Variants in NPAS3 observed in about 807,000 individuals in gnomAD.
NPAS3 encodes the protein neuronal PAS domain-containing protein 3.
A neutral mutation model predicts 73.1 loss-of-function variants in NPAS3; 14 were observed. The ratio of observed to expected loss-of-function variants is 0.19; its 90% confidence interval spans 0.13 to 0.30. The LOEUF (loss-of-function observed/expected upper bound fraction) is 0.30. NPAS3 is among the 10% of genes least tolerant of loss of function. NPAS3 has a pLI of 1.00. For missense variants in NPAS3, 1,096 were observed against 1,250.0 expected (o/e 0.88, Z 1.86); for synonymous variants, 620 against 541.5 (o/e 1.14, Z -2.01).
intron 4 of NPAS3, among the ~76,000 whole-genome samples, chr14:33,531,549 A>C (rs8019714): frequency 6.6e-6 from 1 of 152,080 alleles, no homozygotes; most frequent in African/African-American, 2.4e-5. Flanking sequence ...GCCTATGTAC[A>C]GCTGTACCAC....
intron 1 of NPAS3, among the ~76,000 whole-genome samples, chr14:33,009,349 G>C (rs1359410788): frequency 6.6e-6 from 1 of 152,120 alleles, no homozygotes; most frequent in Non-Finnish European, 1.5e-5. Flanking sequence ...AACAGTTGAG[G>C]GTCAGCTTCT....
At chr14:33,205,913 A>C (rs2046804568) in intron 2 of NPAS3, among the ~76,000 whole-genome samples, 1 of 152,222 alleles carries the variant, frequency 6.6e-6, no homozygotes, top group Non-Finnish European at 1.5e-5. Flanking sequence ...AGGAAAATTA[A>C]AAGAAAAAAT....
intron 4 of NPAS3, among the ~76,000 whole-genome samples, chr14:33,417,135 TA>T (rs2048179588): frequency 6.6e-6 from 1 of 152,022 alleles, no homozygotes; most frequent in Non-Finnish European, 1.5e-5. Context: ...GTATTTTATT[TA>T]AAAAATTAGA....
At chr14:33,494,904 A>G (rs189386494) in intron 4 of NPAS3, among the ~76,000 whole-genome samples, 22 of 152,252 alleles carry the variant, frequency 1.4e-4, no homozygotes, top group Non-Finnish European at 3.2e-4. Flanking sequence ...TTTGTTGCAC[A>G]GCAATCACTG....
intron 2 of NPAS3, among the ~76,000 whole-genome samples, chr14:33,070,638 A>G (rs1595376359): frequency 6.6e-6 from 1 of 152,220 alleles, no homozygotes; most frequent in Non-Finnish European, 1.5e-5. Context: ...ACCATCACTC[A>G]TGATCATAGC....
At chr14:33,111,634 G>T (rs2138967148) in intron 2 of NPAS3, among the ~76,000 whole-genome samples, 1 of 151,092 alleles carries the variant, frequency 6.6e-6, no homozygotes, top group South Asian at 2.1e-4. Context: ...TTGAAGACCT[G>T]CACAGTTCCT....
chr14:33,571,391 C>A (rs143657512), intron 5 of NPAS3, among the ~76,000 whole-genome samples: 1 of 152,020 alleles, frequency 6.6e-6, no homozygotes, highest in Non-Finnish European at 1.5e-5. Flanking sequence ...GGGAGCCTGG[C>A]GAAGTAGGCT....
At chr14:33,751,441 A>G (rs995833589) in intron 7 of NPAS3, among the ~76,000 whole-genome samples, 1 of 152,154 alleles carries the variant, frequency 6.6e-6, no homozygotes, top group Non-Finnish European at 1.5e-5. Flanking sequence ...ATATGATCCT[A>G]GAACCAGTAA....
At chr14:33,771,176 T>G (rs1367897578) in intron 7 of NPAS3, among the ~76,000 whole-genome samples, 9 of 152,210 alleles carry the variant, frequency 5.9e-5, no homozygotes, top group African/African-American at 2.2e-4. Context: ...TTTCTGAAAT[T>G]TGAACATAAC....
chr14:33,131,674 T>C (rs1186537304), intron 2 of NPAS3, among the ~76,000 whole-genome samples: 3 of 152,180 alleles, frequency 2.0e-5, no homozygotes, highest in Non-Finnish European at 4.4e-5. Context: ...TGCTCGTATG[T>C]GTGCATGTTT....
At chr14:33,761,621 C>T (rs1240106141) in intron 7 of NPAS3, among the ~76,000 whole-genome samples, 1 of 151,982 alleles carries the variant, frequency 6.6e-6, no homozygotes, top group East Asian at 1.9e-4. Context: ...GTAAAGTCAG[C>T]GTTGGTCACA....
chr14:33,693,445 A>G (rs1257682729), intron 6 of NPAS3, among the ~76,000 whole-genome samples: 1 of 152,146 alleles, frequency 6.6e-6, no homozygotes. Flanking sequence ...GATCAGACTC[A>G]CATCTAGAGA....
intron 6 of NPAS3, among the ~76,000 whole-genome samples, chr14:33,679,513 T>C (rs2059873197): frequency 6.6e-6 from 1 of 152,214 alleles, no homozygotes; most frequent in Non-Finnish European, 1.5e-5. Flanking sequence ...AGACTGTTGT[T>C]CATTGCATCA....
intron 5 of NPAS3, among the ~76,000 whole-genome samples, chr14:33,623,132 G>C (rs2058124965): frequency 6.6e-6 from 1 of 152,106 alleles, no homozygotes; most frequent in Non-Finnish European, 1.5e-5. Flanking sequence ...GTAGAGTCAA[G>C]GAAGGCTTCC....
chr14:33,084,994 T>C (rs1260965261), intron 2 of NPAS3, among the ~76,000 whole-genome samples: 3 of 152,220 alleles, frequency 2.0e-5, no homozygotes, highest in Non-Finnish European at 4.4e-5. Flanking sequence ...AACTGAAGTT[T>C]GACCTCATCT....
At chr14:33,205,273 A>G (rs1040218818) in intron 2 of NPAS3, among the ~76,000 whole-genome samples, 1 of 152,204 alleles carries the variant, frequency 6.6e-6, no homozygotes, top group Non-Finnish European at 1.5e-5. Context: ...TAAGCCATTG[A>G]ATATTTTTCA....
At chr14:33,543,533 G>A (rs2054616350) in intron 4 of NPAS3, among the ~76,000 whole-genome samples, 1 of 152,078 alleles carries the variant, frequency 6.6e-6, no homozygotes. Flanking sequence ...AGAATTCCTT[G>A]AGGGAAAGAG....
At chr14:33,312,480 A>G (rs1401549517) in intron 3 of NPAS3, among the ~76,000 whole-genome samples, 1 of 151,878 alleles carries the variant, frequency 6.6e-6, no homozygotes, top group Non-Finnish European at 1.5e-5. Context: ...AATATATTTT[A>G]TTTTTTTGAA....
chr14:33,162,827 A>T (rs1392372839), intron 2 of NPAS3, among the ~76,000 whole-genome samples: 2 of 152,152 alleles, frequency 1.3e-5, no homozygotes, highest in Non-Finnish European at 2.9e-5. Flanking sequence ...TTGCTCTGAT[A>T]TTTTTCCTCC....
Sources: gnomAD v4.1 joint callset for allele counts (sites outside exome capture counted in the v4.1 genomes callset) on GRCh38, gnomAD v4.1.1 for gene constraint, MANE v1.5 for transcripts, NCBI Gene and HGNC (gene_info 2026-07-23, HGNC 2026-07-21) for gene names.